The following PTPRG variants were observed in gnomAD, a reference collection of about 807,000 sequenced individuals.
The protein encoded by PTPRG is receptor-type tyrosine-protein phosphatase gamma.
Under a neutral mutation model 165.3 loss-of-function variants are expected in PTPRG, and 102 were observed. The observed-to-expected ratio is 0.62, with a 90% confidence interval of 0.53 to 0.73. The LOEUF (loss-of-function observed/expected upper bound fraction) is 0.73, where lower values mean the gene tolerates loss of function less well. PTPRG is among the 30% of genes least tolerant of loss of function. The pLI, the probability that PTPRG is intolerant of heterozygous loss-of-function variation, is 0.00. For missense variants in PTPRG, 1,866 were observed against 1,861.4 expected, an observed-to-expected ratio of 1.00 and a Z score of -0.05; for synonymous variants, 675 against 669.5, an observed-to-expected ratio of 1.01 and a Z score of -0.13.
At chr3:61,675,856 C>T (rs1045729671) in intron 1 of PTPRG, among the ~76,000 whole-genome samples, 2 of 134,196 alleles carry the variant, frequency 1.5e-5, no homozygotes, top group Middle Eastern at 4.0e-3. Flanking sequence ...CCATAAACAT[C>T]TCCCCAGATC....
At chr3:61,670,635 C>T (rs1456991336) in intron 1 of PTPRG, among the ~76,000 whole-genome samples, 1 of 152,130 alleles carries the variant, frequency 6.6e-6, no homozygotes, top group African/African-American at 2.4e-5. Flanking sequence ...AAATAGAAAC[C>T]TTCTAGAAGG....
chr3:61,988,972 T>C (rs1006364736), intron 2 of PTPRG, among the ~76,000 whole-genome samples: 10 of 152,204 alleles, frequency 6.6e-5, no homozygotes, highest in Non-Finnish European at 1.2e-4. Flanking sequence ...TTTATTTATA[T>C]GAGTACAGAG....
chr3:62,272,730 C>T (rs1290467840), intron 21 of PTPRG, among the ~76,000 whole-genome samples: 2 of 151,942 alleles, frequency 1.3e-5, no homozygotes, highest in Non-Finnish European at 2.9e-5. Context: ...CCCAGCTACT[C>T]GGTAGGCTGA....
chr3:61,962,123 CTTA>C (rs1231347467), intron 2 of PTPRG, among the ~76,000 whole-genome samples: 2 of 152,178 alleles, frequency 1.3e-5, no homozygotes, highest in African/African-American at 4.8e-5. Context: ...CTTAAGCTCA[CTTA>C]AGTCCCTTAA....
chr3:62,203,613 G>A lies in PTPRG; in HGVS notation c.1818G>A (p.Lys606=), dbSNP rs1361397973. 2 of 1,553,478 alleles carry A rather than the reference G, an allele frequency of 1.3e-6. No homozygotes were observed. The highest frequency in any genetic ancestry group is 1.4e-5 in the African/African-American group (1 of 73,216). ...ATGGAGAGAAGGACTCCGAAAAGAA[G>A]GAGAAGAGTGGGGTGACCCACGCTG... is the stretch of plus-strand genomic sequence containing the variant. The part of the protein sequence containing the change: ...EEDGEKDSEK[K]EKSGVTHAAE... Residue 606 remains lysine, a synonymous_variant, in exon 12 of 30, where the codon AAG becomes AAA. Coordinates refer to ENST00000474889, the MANE Select transcript of PTPRG (RefSeq NM_002841.4). This position sits in a 1 kb window ranked among gnomAD's most constrained non-coding sequence, Gnocchi z 6.4.
intron 5 of PTPRG, among the ~76,000 whole-genome samples, chr3:62,102,121 T>C (rs1259211923): frequency 6.6e-6 from 1 of 152,188 alleles, no homozygotes; most frequent in Non-Finnish European, 1.5e-5. Flanking sequence ...CATTGTGTGT[T>C]CTCACATGTA....
chr3:62,170,353 G>C (rs552646045), intron 8 of PTPRG, among the ~76,000 whole-genome samples: 2 of 152,258 alleles, frequency 1.3e-5, no homozygotes, highest in African/African-American at 4.8e-5. Flanking sequence ...TATATGCAGA[G>C]GATGTGGATT....
intron 1 of PTPRG, among the ~76,000 whole-genome samples, chr3:61,722,072 CTGAG>C: frequency 6.6e-6 from 1 of 152,252 alleles, no homozygotes; most frequent in East Asian, 1.9e-4. Context: ...TTACCACAGA[CTGAG>C]TAATTTATAA....
chr3:62,202,939 C>T (rs947545334), intron 11 of PTPRG, among the ~76,000 whole-genome samples: 1 of 152,166 alleles, frequency 6.6e-6, no homozygotes, highest in Admixed American at 6.5e-5. Context: ...GTTTGATCGA[C>T]TAGTTATGCA....
intron 2 of PTPRG, among the ~76,000 whole-genome samples, chr3:61,772,634 A>G (rs978084472): frequency 2.6e-5 from 4 of 152,168 alleles, no homozygotes; most frequent in African/African-American, 9.7e-5. Flanking sequence ...TAGAGTAGAT[A>G]TCCATCTGAG....
chr3:61,921,154 TCCTTCCTTCTTA>T (rs1553691463), intron 2 of PTPRG, among the ~76,000 whole-genome samples: 5 of 150,792 alleles, frequency 3.3e-5, no homozygotes, highest in African/African-American at 1.2e-4. Context: ...CTTCCTTCCT[TCCTTCCTTCTTA>T]CCTATCTACA....
At chr3:62,186,821 C>T (rs1419571645) in intron 8 of PTPRG, among the ~76,000 whole-genome samples, 1 of 152,080 alleles carries the variant, frequency 6.6e-6, no homozygotes, top group African/African-American at 2.4e-5. Flanking sequence ...CCCACCATGG[C>T]CTCCCAAAGT....
intron 7 of PTPRG, 69 bp from the exon 8 acceptor site, chr3:62,167,901 CT>C: frequency 6.8e-7 from 1 of 1,461,196 alleles, no homozygotes; most frequent in East Asian, 2.3e-5. Flanking sequence ...GACCAAATAG[CT>C]TTTCTAATTG....
intron 5 of PTPRG, among the ~76,000 whole-genome samples, chr3:62,095,334 G>A (rs1024498980): frequency 8.5e-5 from 13 of 152,136 alleles, no homozygotes; most frequent in African/African-American, 3.1e-4. Context: ...TTTGTGAGGT[G>A]GTGTGGTTGC....
chr3:61,691,594 G>A (rs1220510617), intron 1 of PTPRG, among the ~76,000 whole-genome samples: 1 of 152,176 alleles, frequency 6.6e-6, no homozygotes, highest in East Asian at 1.9e-4. Context: ...AACACTAGGG[G>A]GAAGTGGACA....
chr3:61,654,026 T>C lies in PTPRG; in HGVS notation c.85+91654T>C, dbSNP rs76184450. Among the ~76,000 whole-genome samples the C allele has an allele frequency of 4.9e-3, 743 of 152,314 alleles. 14 individuals carry two copies. The highest frequency in any genetic ancestry group is 0.017 in the African/African-American group (698 of 41,566). ...AGCCCAGTGCCACATCTGAGAGGCA[T>C]AGAGGGAACATGAGATACATGCCCT... On this transcript the variant is annotated intron_variant, in intron 1 of 29. Transcript: ENST00000474889.
At chr3:61,924,271 C>T (rs2039152447) in intron 2 of PTPRG, among the ~76,000 whole-genome samples, 1 of 152,162 alleles carries the variant, frequency 6.6e-6, no homozygotes, top group African/African-American at 2.4e-5. Context: ...TTGCAGGTCA[C>T]AGGGTCAGCT....
At chr3:62,091,213 G>T (rs1480042074) in intron 5 of PTPRG, among the ~76,000 whole-genome samples, 1 of 152,170 alleles carries the variant, frequency 6.6e-6, no homozygotes, top group Non-Finnish European at 1.5e-5. Context: ...TGGCCTACTT[G>T]CATGTTGTTG....
chr3:61,600,445 T>C (rs1700832336), intron 1 of PTPRG, among the ~76,000 whole-genome samples: 1 of 152,178 alleles, frequency 6.6e-6, no homozygotes, highest in Admixed American at 6.5e-5. Context: ...TCACGGGATT[T>C]GTCAGGGGTA....
Sources: allele counts gnomAD v4.1 joint callset (sites outside exome capture counted in the v4.1 genomes callset), GRCh38; gene constraint gnomAD v4.1.1; non-coding constraint Gnocchi (gnomAD v3.1); transcripts MANE v1.5; gene names NCBI Gene and HGNC (gene_info 2026-07-23, HGNC 2026-07-21).